HECW2: variants seen among roughly 807,000 people sequenced by gnomAD.
The protein encoded by HECW2 is HECT, C2 and WW domain containing E3 ubiquitin protein ligase 2.
Under a neutral mutation model 175.2 loss-of-function variants are expected in HECW2, and 61 were observed. That is an observed-to-expected ratio of 0.35 (90% confidence interval 0.28 to 0.43). HECW2 has a LOEUF of 0.43. HECW2 is among the 20% of genes least tolerant of loss of function. The pLI is 1.00. For missense variants in HECW2, 1,524 were observed against 2,000.5 expected (o/e 0.76, Z 4.54); for synonymous variants, 671 against 731.0 (o/e 0.92, Z 1.32).
At chr2:196,223,191 C>CA (rs1231380385) in intron 23 of HECW2, among the ~76,000 whole-genome samples, 1 of 152,098 alleles carries the variant, frequency 6.6e-6, no homozygotes. Flanking sequence ...GCCAAGTACA[C>CA]AAACAGATAA....
chr2:196,558,987 A>T (rs1291531067), intron 1 of HECW2, among the ~76,000 whole-genome samples: 1 of 152,224 alleles, frequency 6.6e-6, no homozygotes, highest in Non-Finnish European at 1.5e-5. Context: ...CTCTTAATAC[A>T]TCATCTCATT....
rs990159786 is a variant in HECW2, at chr2:196,198,690, G to C, written c.*2587C>G. The C allele has an allele frequency of 6.6e-6, 1 of 152,132 alleles. No individual in the cohort carries two copies. The highest frequency in any genetic ancestry group is 1.5e-5 in the Non-Finnish European group (1 of 68,012). The allele number at this position is 152,132 out of a possible 1,614,324, so 9.4% of individuals were successfully genotyped here. A position where few individuals can be genotyped will look rare whatever the true frequency, so the allele number is the denominator to read the frequency against. On this transcript the variant is annotated 3_prime_UTR_variant, in exon 29 of 29. Transcript: ENST00000644978. Reference sequence around the variant, plus strand: ...ATAAGACCAGAAAGCCTAGTTATCTGGGTTCACAGTCCAGAAGAAAATATT... The same window carrying C: ...ATAAGACCAGAAAGCCTAGTTATCTCGGTTCACAGTCCAGAAGAAAATATT...
intron 1 of HECW2, among the ~76,000 whole-genome samples, chr2:196,527,235 A>T (rs1017504605): frequency 6.6e-6 from 1 of 152,110 alleles, no homozygotes; most frequent in Non-Finnish European, 1.5e-5. Context: ...GGAGTGACCC[A>T]ATTTTCCAGG....
intron 13 of HECW2, among the ~76,000 whole-genome samples, chr2:196,293,993 G>C (rs1041283920): frequency 6.6e-6 from 1 of 152,134 alleles, no homozygotes; most frequent in Non-Finnish European, 1.5e-5. Context: ...GGAATAGCAG[G>C]CTGAGGTGCC....
At chr2:196,475,972 C>G (rs527352501) in intron 1 of HECW2, among the ~76,000 whole-genome samples, 1 of 152,326 alleles carries the variant, frequency 6.6e-6, no homozygotes, top group African/African-American at 2.4e-5. Flanking sequence ...GCCTCGGACC[C>G]GCTGTGCCTC....
At chr2:196,236,438 T>C (rs1286023271) in intron 21 of HECW2, among the ~76,000 whole-genome samples, 3 of 152,208 alleles carry the variant, frequency 2.0e-5, no homozygotes, top group Admixed American at 2.0e-4. Flanking sequence ...GATTAACATC[T>C]TACATTAGTA....
At chr2:196,502,806 C>T (rs946390523) in intron 1 of HECW2, among the ~76,000 whole-genome samples, 1 of 152,196 alleles carries the variant, frequency 6.6e-6, no homozygotes, top group African/African-American at 2.4e-5. Context: ...CCCAATACCA[C>T]CAGGCAGTGG....
intron 17 of HECW2, among the ~76,000 whole-genome samples, chr2:196,265,162 A>T (rs945725801): frequency 6.6e-6 from 1 of 152,116 alleles, no homozygotes; most frequent in Admixed American, 6.5e-5. Flanking sequence ...AGCACCACTA[A>T]AAAGCCCTCC....
intron 2 of HECW2, among the ~76,000 whole-genome samples, chr2:196,348,919 C>A (rs1286438312): frequency 6.6e-6 from 1 of 152,162 alleles, no homozygotes; most frequent in African/African-American, 2.4e-5. Context: ...AACTCTGTGT[C>A]CCTAAACTCA....
chr2:196,481,013 C>T (rs1686825366), intron 1 of HECW2, among the ~76,000 whole-genome samples: 1 of 152,194 alleles, frequency 6.6e-6, no homozygotes, highest in South Asian at 2.1e-4. Flanking sequence ...TAGCCCTTTG[C>T]AGTCTCTTTA....
intron 28 of HECW2, among the ~76,000 whole-genome samples, chr2:196,213,425 T>G (rs1687361221): frequency 6.6e-6 from 1 of 152,194 alleles, no homozygotes; most frequent in Admixed American, 6.5e-5. Flanking sequence ...ATGATGTAAC[T>G]AGTGTGTCAT....
At chr2:196,387,305 T>C (rs1410472756) in intron 2 of HECW2, among the ~76,000 whole-genome samples, 3 of 152,146 alleles carry the variant, frequency 2.0e-5, no homozygotes, top group African/African-American at 7.2e-5. Context: ...TGCAATATTA[T>C]TAAGAGGTAG....
intron 1 of HECW2, among the ~76,000 whole-genome samples, chr2:196,551,590 A>G (rs1001378553): frequency 6.6e-6 from 1 of 152,186 alleles, no homozygotes; most frequent in African/African-American, 2.4e-5. Context: ...GCTTCTTTAT[A>G]CTGGTATAAT....
chr2:196,500,367 A>ACATACATACATG (rs1559145011), intron 1 of HECW2, among the ~76,000 whole-genome samples: 1 of 152,220 alleles, frequency 6.6e-6, no homozygotes, highest in Non-Finnish European at 1.5e-5. Context: ...CATCATACTT[A>ACATACATACATG]CATACATACA....
chr2:196,289,094 C>G (rs984623422), intron 14 of HECW2: 4 of 152,252 alleles, frequency 2.6e-5, no homozygotes, highest in African/African-American at 9.6e-5. Flanking sequence ...AAATTTTTAT[C>G]ATTGTTAGCA....
intron 1 of HECW2, among the ~76,000 whole-genome samples, chr2:196,518,474 C>T (rs867369832): frequency 1.3e-5 from 2 of 151,708 alleles, no homozygotes; most frequent in Non-Finnish European, 1.5e-5. Flanking sequence ...TGGTCAACAT[C>T]ATGAAACCCC....
intron 2 of HECW2, among the ~76,000 whole-genome samples, chr2:196,398,491 A>G (rs998871956): frequency 2.6e-5 from 4 of 152,188 alleles, no homozygotes; most frequent in Non-Finnish European, 4.4e-5. Context: ...ATTTAGTAAT[A>G]GCTATGAGAA....
rs570133543 is a variant in HECW2 at position 196,266,269 on chromosome 2, C to T, written c.3335+4924G>A. 1.1e-4 allele frequency among the ~76,000 whole-genome samples: 16 copies of T among 151,760 alleles called. No homozygotes were observed. The South Asian group carries it at 3.3e-3, about 32-fold the overall frequency. ...GGCTGAGGCAGGAGGATGGCTTGAG[C>T]CCAGGAGGTTGATGCTGCAGTCAGC... On this transcript the variant is annotated intron_variant, in intron 17 of 28. Coordinates refer to ENST00000644978, the MANE Select transcript of HECW2 (RefSeq NM_001348768.2).
At chr2:196,235,599 T>A (rs1294330879) in intron 21 of HECW2, among the ~76,000 whole-genome samples, 2 of 151,144 alleles carry the variant, frequency 1.3e-5, no homozygotes, top group African/African-American at 4.9e-5. Flanking sequence ...GGAGCTGAAA[T>A]CTCTCTGCTC....
Sources: gnomAD v4.1 joint callset for allele counts (sites outside exome capture counted in the v4.1 genomes callset) on GRCh38, gnomAD v4.1.1 for gene constraint, MANE v1.5 for transcripts, NCBI Gene and HGNC (gene_info 2026-07-23, HGNC 2026-07-21) for gene names.